INPP4B: variants seen among roughly 807,000 people sequenced by gnomAD.
INPP4B encodes the protein inositol polyphosphate-4-phosphatase type II B.
A neutral mutation model predicts 122.5 loss-of-function variants in INPP4B; 55 were observed. The ratio of observed to expected loss-of-function variants is 0.45; its 90% CI spans 0.36 to 0.56. The LOEUF (loss-of-function observed/expected upper bound fraction) is 0.56. INPP4B is among the 20% of genes least tolerant of loss of function. INPP4B has a pLI of 0.00. For synonymous variants in INPP4B, 403 were observed against 388.7 expected, an observed-to-expected ratio of 1.04 and a Z score of -0.43; for missense variants, 1,000 against 1,097.7, an observed-to-expected ratio of 0.91 and a Z score of 1.26.
chr4:142,337,058 T>C (rs1358997819), intron 7 of INPP4B, among the ~76,000 whole-genome samples: 1 of 152,156 alleles, frequency 6.6e-6, no homozygotes, highest in African/African-American at 2.4e-5. Flanking sequence ...TTCAACTTTA[T>C]GTAAAATACA....
intron 7 of INPP4B, among the ~76,000 whole-genome samples, chr4:142,362,728 T>C (rs924151433): frequency 6.6e-6 from 1 of 151,948 alleles, no homozygotes; most frequent in Non-Finnish European, 1.5e-5. Flanking sequence ...AGAGAATTGA[T>C]GCAGGACCAG....
intron 16 of INPP4B, among the ~76,000 whole-genome samples, chr4:142,168,320 T>C (rs931174094): frequency 1.5e-4 from 23 of 151,664 alleles, no homozygotes; most frequent in African/African-American, 5.1e-4. Flanking sequence ...ATTTTTCTTC[T>C]GGTCACGGAT....
chr4:142,117,695 C>G (rs1310076280), intron 21 of INPP4B, among the ~76,000 whole-genome samples: 1 of 152,140 alleles, frequency 6.6e-6, no homozygotes, highest in Non-Finnish European at 1.5e-5. Context: ...GACAAACCCA[C>G]AGCCAATATC....
intron 2 of INPP4B, among the ~76,000 whole-genome samples, chr4:142,667,799 G>C (rs1756374073): frequency 6.6e-6 from 1 of 152,234 alleles, no homozygotes; most frequent in South Asian, 2.1e-4. Flanking sequence ...AGAAAGGATT[G>C]GGTATAGAGG....
At position 142,684,439 on chromosome 4, in the gene INPP4B, C is replaced by G. The variant is rs76810046; in HGVS notation, c.-191+41400G>C. 1.6e-3 allele frequency among the ~76,000 whole-genome samples: 243 copies of G among 152,110 alleles called. 2 individuals carry two copies. Among genetic ancestry groups the G allele is most frequent in the East Asian group, 0.016 (80 of 5,138 alleles). ...CTGTGAATACGAGAATATTCTCAGA[C>G]TGGAGATCAGTCTAATTTAATGATA... On this transcript the variant is annotated intron_variant, in intron 2 of 25. Coordinates refer to ENST00000262992, the MANE Select transcript of INPP4B (RefSeq NM_001101669.3).
intron 2 of INPP4B, among the ~76,000 whole-genome samples, chr4:142,691,270 T>C (rs181835432): frequency 6.6e-6 from 1 of 152,232 alleles, no homozygotes; most frequent in East Asian, 1.9e-4. Flanking sequence ...GAATGTGATG[T>C]TGAAGCATTT....
rs1024402206 is a variant in INPP4B, at chr4:142,595,396, C to A, written c.-191+130443G>T. ...TAGAATGGTGGAATTTTTAAAATTT[C>A]CCCTCTGTGAATACACCTGTCCTTG... On this transcript the variant is annotated intron_variant, in intron 2 of 25. Coordinates refer to ENST00000262992, the MANE Select transcript of INPP4B (RefSeq NM_001101669.3). Among the ~76,000 whole-genome samples, 10 of 152,070 alleles carry A rather than the reference C, an allele frequency of 6.6e-5. No homozygotes were observed. In the East Asian group the frequency reaches 9.6e-4, roughly 15 times the overall value.
At chr4:142,137,303 A>G (rs1273976616) in intron 18 of INPP4B, among the ~76,000 whole-genome samples, 2 of 145,568 alleles carry the variant, frequency 1.4e-5, no homozygotes, top group Non-Finnish European at 3.0e-5. Context: ...CCTATTTAAT[A>G]AATGGTGCTG....
chr4:142,367,183 G>A (rs1174752283), intron 7 of INPP4B, among the ~76,000 whole-genome samples: 1 of 89,994 alleles, frequency 1.1e-5, no homozygotes, highest in Non-Finnish European at 2.4e-5. Flanking sequence ...ATGTATACAT[G>A]TAATATGTGT....
intron 2 of INPP4B, among the ~76,000 whole-genome samples, chr4:142,557,671 T>C (rs750855033): frequency 2.0e-5 from 3 of 152,206 alleles, no homozygotes; most frequent in Non-Finnish European, 2.9e-5. Context: ...GAAGTTGTTA[T>C]AGATATCTAA....
intron 2 of INPP4B, among the ~76,000 whole-genome samples, chr4:142,625,253 C>G (rs1560883067): frequency 6.6e-6 from 1 of 152,008 alleles, no homozygotes; most frequent in South Asian, 2.1e-4. Context: ...AGCCCAAAAT[C>G]TCCTTAAGCT....
chr4:142,687,691 T>C (rs562450164), intron 2 of INPP4B, among the ~76,000 whole-genome samples: 12 of 151,552 alleles, frequency 7.9e-5, no homozygotes, highest in Non-Finnish European at 1.5e-4. Flanking sequence ...AGCAAGTAAG[T>C]GGGAGGCATG....
intron 22 of INPP4B, among the ~76,000 whole-genome samples, chr4:142,110,955 TGTAGTGTACC>T: frequency 6.6e-6 from 1 of 152,222 alleles, no homozygotes; most frequent in East Asian, 1.9e-4. Context: ...AACACTCTAC[TGTAGTGTACC>T]GAAGAAGAGG....
chr4:142,191,244 C>T (rs1162768409), intron 15 of INPP4B, among the ~76,000 whole-genome samples: 1 of 152,054 alleles, frequency 6.6e-6, no homozygotes, highest in African/African-American at 2.4e-5. Context: ...ATTTTTCTTG[C>T]CTTCTATAAT....
intron 2 of INPP4B, among the ~76,000 whole-genome samples, chr4:142,662,970 CATTT>C (rs1374166809): frequency 1.3e-5 from 2 of 152,106 alleles, no homozygotes; most frequent in Middle Eastern, 3.2e-3. Flanking sequence ...TAGTCCAAAA[CATTT>C]AATTAATATT....
At chr4:142,254,767 T>A (rs1011199500) in intron 11 of INPP4B, among the ~76,000 whole-genome samples, 421 of 152,210 alleles carry the variant, frequency 2.8e-3, no homozygotes, top group Non-Finnish European at 4.5e-3. Context: ...GGAACCAAGG[T>A]GGAAAACACT....
At chr4:142,598,300 A>T (rs1331949454) in intron 2 of INPP4B, among the ~76,000 whole-genome samples, 1 of 152,174 alleles carries the variant, frequency 6.6e-6, no homozygotes, top group Non-Finnish European at 1.5e-5. Context: ...AACCCCTGAC[A>T]CTACTGTGGA....
At chr4:142,203,259 G>A (rs1001525353) in intron 14 of INPP4B, among the ~76,000 whole-genome samples, 1 of 152,034 alleles carries the variant, frequency 6.6e-6, no homozygotes, top group Non-Finnish European at 1.5e-5. Context: ...TAATAATGCA[G>A]TTATATAAAG....
At chr4:142,137,440 A>C (rs1158378479) in intron 18 of INPP4B, among the ~76,000 whole-genome samples, 1 of 95,752 alleles carries the variant, frequency 1.0e-5, no homozygotes, top group Admixed American at 1.3e-4. Flanking sequence ...CCCTAGAAGA[A>C]AACCTAGGCA....
Sources: gnomAD v4.1 joint callset for allele counts (sites outside exome capture counted in the v4.1 genomes callset) on GRCh38, gnomAD v4.1.1 for gene constraint, MANE v1.5 for transcripts, NCBI Gene and HGNC (gene_info 2026-07-23, HGNC 2026-07-21) for gene names.